Variants in CRPPA observed in about 807,000 individuals in gnomAD.
The protein encoded by CRPPA is D-ribitol-5-phosphate cytidylyltransferase.
Under a neutral mutation model 52.0 loss-of-function variants are expected in CRPPA, and 43 were observed. That is an observed-to-expected ratio of 0.83 (90% CI 0.65 to 1.07). The LOEUF is 1.07. CRPPA is among the 50% of genes least tolerant of loss of function. The pLI is 0.00. For missense variants in CRPPA, 629 were observed against 551.7 expected (o/e 1.14, Z -1.40); for synonymous variants, 250 against 203.5 (o/e 1.23, Z -1.94).
At chr7:16,271,201 T>C (rs1465668045) in intron 6 of CRPPA, among the ~76,000 whole-genome samples, 3 of 152,132 alleles carry the variant, frequency 2.0e-5, no homozygotes, top group African/African-American at 4.8e-5. Context: ...GTTCAGAGTA[T>C]AGATCAGCAT....
chr7:16,348,150 C>T (rs1056428080), intron 3 of CRPPA, among the ~76,000 whole-genome samples: 2 of 152,152 alleles, frequency 1.3e-5, no homozygotes, highest in Non-Finnish European at 2.9e-5. Context: ...CAGATCAGCA[C>T]TTCCCAAGCC....
chr7:16,228,161 G>A (rs1165689165), intron 8 of CRPPA, among the ~76,000 whole-genome samples: 1 of 151,792 alleles, frequency 6.6e-6, no homozygotes, highest in East Asian at 1.9e-4. Context: ...TTGAAGTCAG[G>A]TAATGTGATT....
chr7:16,140,898 G>A (rs1202821965), intron 9 of CRPPA, among the ~76,000 whole-genome samples: 1 of 152,082 alleles, frequency 6.6e-6, no homozygotes, highest in Non-Finnish European at 1.5e-5. Context: ...TATGCCCCAA[G>A]CACTAAGGAT....
At chr7:16,209,564 G>A (rs139836846) in intron 9 of CRPPA, among the ~76,000 whole-genome samples, 25 of 152,174 alleles carry the variant, frequency 1.6e-4, no homozygotes, top group South Asian at 6.2e-4. Context: ...GAGCCATGGC[G>A]CCCAGCCCTA....
chr7:16,256,972 G>A (rs1783658725), intron 8 of CRPPA, among the ~76,000 whole-genome samples: 1 of 152,066 alleles, frequency 6.6e-6, no homozygotes, highest in South Asian at 2.1e-4. Flanking sequence ...AGCTGTGGAA[G>A]TTAATTTGGA....
intron 2 of CRPPA, among the ~76,000 whole-genome samples, chr7:16,404,020 A>G (rs1053814778): frequency 6.6e-6 from 1 of 152,206 alleles, no homozygotes; most frequent in Non-Finnish European, 1.5e-5. Flanking sequence ...TTTACTTTGT[A>G]TAAATAAGTG....
intron 3 of CRPPA, among the ~76,000 whole-genome samples, chr7:16,330,458 G>C (rs1163110278): frequency 6.6e-6 from 1 of 152,146 alleles, no homozygotes; most frequent in South Asian, 2.1e-4. Context: ...GCTGTCCCCA[G>C]AATCATAGAG....
chr7:16,095,156 TTGA>T (rs1781911898), intron 9 of CRPPA, among the ~76,000 whole-genome samples: 1 of 152,208 alleles, frequency 6.6e-6, no homozygotes, highest in Admixed American at 6.5e-5. Context: ...TATTTTTTAA[TTGA>T]TGACTATTTA....
At chr7:16,308,088 G>A (rs778576456) in intron 4 of CRPPA, among the ~76,000 whole-genome samples, 2 of 151,984 alleles carry the variant, frequency 1.3e-5, no homozygotes, top group Admixed American at 6.6e-5. Flanking sequence ...GTCTCGAAGT[G>A]TCTCACTCCT....
chr7:16,342,017 T>C (rs2128306072), intron 3 of CRPPA, among the ~76,000 whole-genome samples: 1 of 152,256 alleles, frequency 6.6e-6, no homozygotes, highest in Non-Finnish European at 1.5e-5. Flanking sequence ...ACTCTGTGCA[T>C]ATTGGTCTCT....
intron 8 of CRPPA, among the ~76,000 whole-genome samples, chr7:16,224,582 T>C (rs1189622043): frequency 1.3e-5 from 2 of 152,128 alleles, no homozygotes; most frequent in African/African-American, 4.8e-5. Flanking sequence ...AAAGAATTGG[T>C]AGATAAACCA....
intron 9 of CRPPA, among the ~76,000 whole-genome samples, chr7:16,196,427 T>A (rs1781737157): frequency 6.6e-6 from 1 of 152,184 alleles, no homozygotes; most frequent in African/African-American, 2.4e-5. Flanking sequence ...TTTTCATGAA[T>A]ACCTTTCATT....
intron 8 of CRPPA, among the ~76,000 whole-genome samples, chr7:16,217,808 C>T (rs1244054531): frequency 6.6e-6 from 1 of 151,336 alleles, no homozygotes. Context: ...ACCAAATCTA[C>T]GTCTGATTGG....
chr7:16,293,870 A>T (rs1231804301), intron 5 of CRPPA, among the ~76,000 whole-genome samples: 2 of 152,004 alleles, frequency 1.3e-5, no homozygotes, highest in Non-Finnish European at 2.9e-5. Flanking sequence ...GGCATGTGAC[A>T]TCTTGTCTCC....
At chr7:16,153,766 T>C (rs975545906) in intron 9 of CRPPA, among the ~76,000 whole-genome samples, 1 of 152,138 alleles carries the variant, frequency 6.6e-6, no homozygotes, top group African/African-American at 2.4e-5. Flanking sequence ...TAAACCTCTG[T>C]GAGAGTAACT....
chr7:16,250,814 C>G (rs142095830), intron 8 of CRPPA, among the ~76,000 whole-genome samples: 1 of 152,168 alleles, frequency 6.6e-6, no homozygotes, highest in East Asian at 1.9e-4. Flanking sequence ...GAAACTGCAT[C>G]AACTAACGGG....
At chr7:16,416,286 T>C (rs962289631) in intron 1 of CRPPA, among the ~76,000 whole-genome samples, 11 of 152,058 alleles carry the variant, frequency 7.2e-5, no homozygotes, top group African/African-American at 2.7e-4. Flanking sequence ...CCCTATTCCA[T>C]AAATGTTGGT....
At chr7:16,297,751 A>G (rs1784705042) in intron 5 of CRPPA, among the ~76,000 whole-genome samples, 1 of 152,226 alleles carries the variant, frequency 6.6e-6, no homozygotes, top group Admixed American at 6.5e-5. Context: ...ATAAACATTT[A>G]TGCATCTTAA....
intron 3 of CRPPA, among the ~76,000 whole-genome samples, chr7:16,312,159 G>C (rs935382097): frequency 2.0e-5 from 3 of 152,018 alleles, no homozygotes; most frequent in African/African-American, 7.2e-5. Context: ...CTCCAAAATA[G>C]CTTGCTGAAA....
Sources: allele counts gnomAD v4.1 joint callset (sites outside exome capture counted in the v4.1 genomes callset), GRCh38; gene constraint gnomAD v4.1.1; transcripts MANE v1.5; gene names NCBI Gene and HGNC (gene_info 2026-07-23, HGNC 2026-07-21).